Variants in CISD3 observed in about 807,000 individuals in gnomAD.
CISD3 encodes the protein CDGSH iron-sulfur domain-containing protein 3, mitochondrial.
A neutral mutation model predicts 14.1 loss-of-function variants in CISD3; 11 were observed. The ratio of observed to expected loss-of-function variants is 0.78; its 90% CI spans 0.49 to 1.29. The LOEUF (loss-of-function observed/expected upper bound fraction) is 1.29. Ranked by LOEUF, CISD3 falls within the 50% of genes most tolerant of loss-of-function variation. The pLI is 0.00. For synonymous variants in CISD3, 53 were observed against 69.2 expected (o/e 0.77, Z 1.16); for missense variants, 156 against 171.6 (o/e 0.91, Z 0.51).
rs965540734 is a variant in CISD3 at position 38,733,812 on chromosome 17, T to C, written c.*357T>C. 3.8e-5 allele frequency: 9 copies of C among 236,634 alleles called. No individual in the cohort carries two copies. The Admixed American group carries it at 4.7e-4, about 12-fold the overall frequency. The allele number at this position is 236,634 out of a possible 1,614,324, so 14.7% of individuals were successfully genotyped here. A position where few individuals can be genotyped will look rare whatever the true frequency, so the allele number is the denominator to read the frequency against. ...AGGAGAGGGCAGTTCAGATTCATTC[T>C]GTATGGGGTCCCCAAGCCAGGCTAA... On this transcript the variant is annotated 3_prime_UTR_variant, in exon 4 of 4. Coordinates refer to ENST00000613478, the MANE Select transcript of CISD3 (RefSeq NM_001136498.2).
At chr17:38,733,235 A>C in intron 3 of CISD3, 41 bp from the exon 4 acceptor site, 1 of 1,398,282 alleles carries the variant, frequency 7.2e-7, no homozygotes, top group Non-Finnish European at 9.7e-7. Context: ...CTGCCCCAGC[A>C]GGTGGGGTCA....
At position 38,733,528 on chromosome 17, in the gene CISD3, G is replaced by C. The variant is rs1258996895; in HGVS notation, c.*73G>C. The C allele has an allele frequency of 7.2e-7, 1 of 1,395,900 alleles. No individual in the cohort carries two copies. Among genetic ancestry groups the C allele is most frequent in the Non-Finnish European group, 9.5e-7 (1 of 1,053,368 alleles). The allele number at this position is 1,395,900 out of a possible 1,614,324, so 86.5% of individuals were successfully genotyped here. The stretch of plus-strand genomic sequence containing the variant: ...GACAGGCACCCCCTTCTGTGGGAAA[G>C]GAAACAGGTGCTGAGCCCAAGAGAC... On this transcript the variant is annotated 3_prime_UTR_variant, in exon 4 of 4. Coordinates refer to ENST00000613478, the MANE Select transcript of CISD3 (RefSeq NM_001136498.2).
chr17:38,731,665 G>A (rs1906341170), intron 3 of CISD3: 1 of 575,264 alleles, frequency 1.7e-6, no homozygotes, highest in African/African-American at 1.9e-5. Context: ...CCAGCCTGGT[G>A]TGGCCAGGCT....
At position 38,731,425 on chromosome 17, in the gene CISD3, C is replaced by T. The variant is rs1255945422; in HGVS notation, c.190C>T (p.Arg64Cys). 9 of 1,551,536 alleles carry T rather than the reference C, an allele frequency of 5.8e-6. No homozygotes were observed. Among genetic ancestry groups the T allele is most frequent in the African/African-American group, 2.7e-5 (2 of 73,102 alleles). The change falls in exon 3 of 4, where the codon CGC becomes TGC. Residue 64 changes from arginine to cysteine, a missense_variant. Coordinates refer to ENST00000613478, the MANE Select transcript of CISD3 (RefSeq NM_001136498.2). ...AACCTACAGGTGGTGTGTGTGTGGCCGCAGCAAGAAGCAGGTGAGACCCCT... is the reference window on the plus strand; with the variant it reads ...AACCTACAGGTGGTGTGTGTGTGGCTGCAGCAAGAAGCAGGTGAGACCCCT... ...GKTYRWCVCGRSKKQPFCDGS... is the reference protein window; with the variant it reads ...GKTYRWCVCGCSKKQPFCDGS...
chr17:38,735,339 T>C lies in CISD3; in HGVS notation c.*1884T>C, dbSNP rs781613328. ...CCGTTGGCAGCTGTGGTGGCCCCAC[T>C]GGCTGTCGAAGGGGGAGTGGGGGAG... On this transcript the variant is annotated 3_prime_UTR_variant, in exon 4 of 4. Transcript: ENST00000613478. 1.3e-6 allele frequency: 2 copies of C among 1,552,254 alleles called. No individual in the cohort carries two copies. Among genetic ancestry groups the C allele is most frequent in the Admixed American group, 3.7e-5 (2 of 53,382 alleles).
At chr17:38,730,520 C>G (rs941700185) in intron 1 of CISD3, 114 bp downstream of exon 1, 80 of 983,766 alleles carry the variant, frequency 8.1e-5, no homozygotes, top group Middle Eastern at 2.2e-4. Flanking sequence ...CCCGTCCCGC[C>G]GGTGTCTGGC....
At position 38,733,415 on chromosome 17, in the gene CISD3, G is replaced by A. The variant is rs1419139449; in HGVS notation, c.344G>A (p.Ser115Asn). The change falls in exon 4 of 4, where the codon AGT becomes AAT. Residue 115 changes from serine (S) to asparagine (N), a missense_variant. Transcript: ENST00000613478. ...RPPYCDGTHR[S>N]ERVQKAEVGS... ...CCGTACTGCGATGGCACCCACAGGAGTGAGCGCGTGCAGAAGGCAGAAGTG... is the reference window on the plus strand; with the variant it reads ...CCGTACTGCGATGGCACCCACAGGAATGAGCGCGTGCAGAAGGCAGAAGTG... The A allele has an allele frequency of 3.2e-6, 5 of 1,550,342 alleles. No individual in the cohort carries two copies. Among genetic ancestry groups the A allele is most frequent in the South Asian group, 1.2e-5 (1 of 84,022 alleles).
Position 38,733,499 on chromosome 17 carries a change from C to G in CISD3, c.*44C>G. 1 of 1,467,362 alleles carries G rather than the reference C, an allele frequency of 6.8e-7. No homozygotes were observed. The highest frequency in any genetic ancestry group is 9.1e-7 in the Non-Finnish European group (1 of 1,104,270). 90.9% of individuals were successfully genotyped at this position (1,467,362 alleles called of 1,614,324 possible). A position where few individuals can be genotyped will look rare whatever the true frequency, so the allele number is the denominator to read the frequency against. On this transcript the variant is annotated 3_prime_UTR_variant, in exon 4 of 4. Coordinates refer to ENST00000613478, the MANE Select transcript of CISD3 (RefSeq NM_001136498.2). Reference sequence around the variant, plus strand: ...GCCACAGGTGGCCTTGGCTCCAGGCCTCTGACAGGCACCCCCTTCTGTGGG... The same window carrying G: ...GCCACAGGTGGCCTTGGCTCCAGGCGTCTGACAGGCACCCCCTTCTGTGGG...
At position 38,733,442 on chromosome 17, in the gene CISD3, G is replaced by T. The variant is rs989647639; in HGVS notation, c.371G>T (p.Gly124Val). ...GAGCGCGTGCAGAAGGCAGAAGTGG[G>T]CTCCCCACTCTGAGGGGGCTGCTGC... ...RSERVQKAEV[G>V]SPL is the part of the protein sequence containing the mutation. Residue 124 changes from glycine (G) to valine (V), a missense_variant, in exon 4 of 4, where the codon GGC becomes GTC. Physicochemically the swap from Gly to Val is moderately radical, Grantham distance 109. Coordinates refer to ENST00000613478, the MANE Select transcript of CISD3 (RefSeq NM_001136498.2). 1 of 1,536,112 alleles carries T rather than the reference G, an allele frequency of 6.5e-7. No individual in the cohort carries two copies. The highest frequency in any genetic ancestry group is 8.8e-7 in the Non-Finnish European group (1 of 1,136,822).
rs1301568136 is a variant in CISD3, at chr17:38,731,345, C to T, written c.110C>T (p.Ala37Val). ...GCCCAGTGGTTCCCTAGAACCCCAGCCAGGTCCGTGGTGGCCCTGAAGACC... is the reference window on the plus strand; with the variant it reads ...GCCCAGTGGTTCCCTAGAACCCCAGTCAGGTCCGTGGTGGCCCTGAAGACC... ...WLAQWFPRTP[A>V]RSVVALKTPI... Residue 37 changes from alanine (A) to valine (V), a missense_variant, in exon 3 of 4, where the codon GCC (alanine) becomes GTC (valine). Ala to Val is a moderately conservative substitution (Grantham distance 64). Transcript: ENST00000613478. The T allele has an allele frequency of 1.3e-6, 2 of 1,551,442 alleles. No homozygotes were observed. Among genetic ancestry groups the T allele is most frequent in the Non-Finnish European group, 1.7e-6 (2 of 1,146,986 alleles).
intron 1 of CISD3, 70 bp from the exon 2 acceptor site, chr17:38,730,690 T>A: frequency 6.7e-7 from 1 of 1,490,880 alleles, no homozygotes; most frequent in South Asian, 1.2e-5. Context: ...TCCTTCCCTT[T>A]CCACTGATTT....
At position 38,733,353 on chromosome 17, in the gene CISD3, G is replaced by A. The variant is rs531051556; in HGVS notation, c.282G>A (p.Met94Ile). 94 of 1,551,724 alleles carry A rather than the reference G, an allele frequency of 6.1e-5. 1 individual carries two copies. In the South Asian group the frequency reaches 1.0e-3, roughly 17 times the overall value. Residue 94 changes from methionine to isoleucine, a missense_variant, in exon 4 of 4, where the codon ATG (methionine) becomes ATA (isoleucine). By Grantham distance (10) the Met-to-Ile change is conservative. Coordinates refer to ENST00000613478, the MANE Select transcript of CISD3 (RefSeq NM_001136498.2). ...AGTTCAAGGCCCAAGAGACCCGCATGGTGGCACTCTGTACCTGCAAGGCCA... is the reference window on the plus strand; with the variant it reads ...AGTTCAAGGCCCAAGAGACCCGCATAGTGGCACTCTGTACCTGCAAGGCCA... ...PLKFKAQETR[M>I]VALCTCKATQ...
At position 38,735,545 on chromosome 17, in the gene CISD3, A is replaced by G; in HGVS notation, c.*2090A>G. 1 of 1,587,828 alleles carries G rather than the reference A, an allele frequency of 6.3e-7. No homozygotes were observed. The highest frequency in any genetic ancestry group is 8.6e-7 in the Non-Finnish European group (1 of 1,166,774). On this transcript the variant is annotated 3_prime_UTR_variant, in exon 4 of 4. Transcript: ENST00000613478. ...CTCGGAGGGGGTGGGCACCGTGGCT[A>G]GGGTGAGCCGCTTGCAGGCTGGCTG...
chr17:38,730,850 C>G, intron 2 of CISD3, 55 bp downstream of exon 2: 2 of 1,502,654 alleles, frequency 1.3e-6, no homozygotes, highest in Non-Finnish European at 1.8e-6. Flanking sequence ...GCACGGAGAT[C>G]TCAAAGGCAG....
chr17:38,732,938 G>T (rs1018056486), intron 3 of CISD3, among the ~76,000 whole-genome samples: 1 of 116,572 alleles, frequency 8.6e-6, no homozygotes, highest in Non-Finnish European at 1.9e-5. Flanking sequence ...GAGACTCAGA[G>T]ACACACACAC....
chr17:38,733,607 GT>G lies in CISD3; in HGVS notation c.*153del. ...AAGAATTATTCCTTATAACCTAAAA[GT>G]CTCCAGTCTGGGGCAGGCGGGAGTG... is the stretch of plus-strand genomic sequence containing the variant. On this transcript the variant is annotated 3_prime_UTR_variant, in exon 4 of 4. Transcript: ENST00000613478. The G allele has an allele frequency of 1.2e-6, 1 of 836,992 alleles. No homozygotes were observed. Among genetic ancestry groups the G allele is most frequent in the Non-Finnish European group, 1.8e-6 (1 of 570,924 alleles). The allele number at this position is 836,992 out of a possible 1,614,324, so 51.8% of individuals were successfully genotyped here.
chr17:38,733,427 A>G lies in CISD3; in HGVS notation c.356A>G (p.Gln119Arg). 6.5e-7 allele frequency: 1 copy of G among 1,544,310 alleles called. No individual in the cohort carries two copies. Among genetic ancestry groups the G allele is most frequent in the Non-Finnish European group, 8.8e-7 (1 of 1,141,688 alleles). The change falls in exon 4 of 4, where the codon CAG becomes CGG. Residue 119 changes from glutamine to arginine, a missense_variant. By Grantham distance (43) the Gln-to-Arg change is conservative (BLOSUM62 1). Coordinates refer to ENST00000613478, the MANE Select transcript of CISD3 (RefSeq NM_001136498.2). ...CDGTHRSERV[Q>R]KAEVGSPL ...GGCACCCACAGGAGTGAGCGCGTGCAGAAGGCAGAAGTGGGCTCCCCACTC... is the reference window on the plus strand; with the variant it reads ...GGCACCCACAGGAGTGAGCGCGTGCGGAAGGCAGAAGTGGGCTCCCCACTC...
At position 38,733,603 on chromosome 17, in the gene CISD3, A is replaced by G; in HGVS notation, c.*148A>G. Reference sequence around the variant, plus strand: ...AAGGAAGAATTATTCCTTATAACCTAAAAGTCTCCAGTCTGGGGCAGGCGG... The same window carrying G: ...AAGGAAGAATTATTCCTTATAACCTGAAAGTCTCCAGTCTGGGGCAGGCGG... On this transcript the variant is annotated 3_prime_UTR_variant, in exon 4 of 4. Coordinates refer to ENST00000613478, the MANE Select transcript of CISD3 (RefSeq NM_001136498.2). 4.7e-6 allele frequency: 4 copies of G among 856,872 alleles called. No individual in the cohort carries two copies. The highest frequency in any genetic ancestry group is 2.9e-5 in the East Asian group (1 of 34,562). The allele number at this position is 856,872 out of a possible 1,614,324, so 53.1% of individuals were successfully genotyped here. A position where few individuals can be genotyped will look rare whatever the true frequency, so the allele number is the denominator to read the frequency against.
intron 1 of CISD3, 131 bp from the exon 2 acceptor site, chr17:38,730,629 C>G: frequency 1.0e-6 from 1 of 955,150 alleles, no homozygotes; most frequent in East Asian, 2.6e-5. Flanking sequence ...TCTCATTCCT[C>G]CCTCGCCCCT....
Sources: gnomAD v4.1 joint callset for allele counts (sites outside exome capture counted in the v4.1 genomes callset) on GRCh38, gnomAD v4.1.1 for gene constraint, MANE v1.5 for transcripts, NCBI Gene and HGNC (gene_info 2026-07-23, HGNC 2026-07-21) for gene names.